SLC9A5: variants seen among roughly 807,000 people sequenced by gnomAD.
SLC9A5 encodes the protein sodium/hydrogen exchanger 5.
Under a neutral mutation model 91.7 loss-of-function variants are expected in SLC9A5, and 52 were observed. The observed-to-expected ratio is 0.57, with a 90% confidence interval of 0.45 to 0.71. The LOEUF (loss-of-function observed/expected upper bound fraction) is 0.71, where lower values mean the gene tolerates loss of function less well. Among genes scored for constraint, SLC9A5 ranks in the 30% least tolerant of loss-of-function variants. The pLI is 0.00. For synonymous variants in SLC9A5, 419 were observed against 474.5 expected (o/e 0.88, Z 1.52); for missense variants, 871 against 1,158.9 (o/e 0.75, Z 3.61).
intron 15 of SLC9A5, among the ~76,000 whole-genome samples, chr16:67,268,254 T>C (rs2142388870): frequency 6.6e-6 from 1 of 150,702 alleles, no homozygotes; most frequent in Non-Finnish European, 1.5e-5. Flanking sequence ...TGAGCTCAAG[T>C]GATCTTTACT....
Position 67,258,401 on chromosome 16 carries a change from T to C in SLC9A5, c.1580T>C (p.Val527Ala). The C allele has an allele frequency of 6.2e-7, 1 of 1,614,166 alleles. No homozygotes were observed. The highest frequency in any genetic ancestry group is 2.2e-5 in the East Asian group (1 of 44,886). The change falls in exon 10 of 16, where the codon GTG becomes GCG. Residue 527 changes from valine to alanine, a missense_variant. Val to Ala is a moderately conservative substitution (Grantham distance 64). This residue lies in a region of SLC9A5 where 454 missense variants were observed against 718.3 expected (regional missense o/e 0.63). Transcript: ENST00000299798. The surrounding 1 kb of genome is among the most constrained non-coding windows in gnomAD (Gnocchi z 4.5). Reference protein sequence around the residue: ...AYRIRDQIWDVYYRLNIRDAI... With the variant: ...AYRIRDQIWDAYYRLNIRDAI... ...CGCATCCGGGACCAGATCTGGGATG[T>C]GTACTACAGGCTTAACATCCGGGAT...
intron 12 of SLC9A5, 113 bp downstream of exon 12, chr16:67,260,059 T>A: frequency 7.0e-7 from 1 of 1,432,056 alleles, no homozygotes; most frequent in Non-Finnish European, 9.3e-7. Flanking sequence ...CTAAAGAGTG[T>A]GGGTTTCAGC....
At position 67,258,464 on chromosome 16, in the gene SLC9A5, C is replaced by T; in HGVS notation, c.1626+17C>T. ...GTGGACCAGGTGGGCCAGCAGCTTC[C>T]AGGTGGGCCAGTGGTGGGTGGGCAG... is the stretch of plus-strand genomic sequence containing the variant. On this transcript the variant is annotated intron_variant, in intron 10 of 15. Transcript: ENST00000299798. The surrounding 1 kb of genome is among the most constrained non-coding windows in gnomAD (Gnocchi z 4.5). 1.2e-6 allele frequency: 2 copies of T among 1,613,846 alleles called. No homozygotes were observed. The highest frequency in any genetic ancestry group is 2.2e-5 in the East Asian group (1 of 44,898).
intron 12 of SLC9A5, chr16:67,262,201 AT>A: frequency 2.2e-6 from 1 of 449,118 alleles, no homozygotes. Flanking sequence ...CCACATAAAC[AT>A]GTTGAACAGG....
intron 12 of SLC9A5, chr16:67,261,127 G>A (rs2035517387): frequency 6.6e-6 from 1 of 152,088 alleles, no homozygotes; most frequent in Non-Finnish European, 1.5e-5. Context: ...CGCCCAGAAT[G>A]GAAGTTGCTA....
Position 67,258,546 on chromosome 16 carries a change from G to A in SLC9A5, c.1626+99G>A. 5.6e-6 allele frequency: 8 copies of A among 1,426,558 alleles called. No homozygotes were observed. The highest frequency in any genetic ancestry group is 7.8e-6 in the Non-Finnish European group (8 of 1,020,394). 88.4% of individuals were successfully genotyped at this position (1,426,558 alleles called of 1,614,324 possible). A position where few individuals can be genotyped will look rare whatever the true frequency, so the allele number is the denominator to read the frequency against. ...CAAGCAGGCTGGCCCTGAGCAGGGA[G>A]TTGGGAATTCCTAGCTGGCTCCATG... On this transcript the variant is annotated intron_variant, in intron 10 of 15. Coordinates refer to ENST00000299798, the MANE Select transcript of SLC9A5 (RefSeq NM_004594.3). This position sits in a 1 kb window ranked among gnomAD's most constrained non-coding sequence, Gnocchi z 4.5.
Position 67,249,051 on chromosome 16 carries a change from C to A in SLC9A5, c.37C>A (p.Leu13Met). The A allele has an allele frequency of 6.6e-7, 1 of 1,506,522 alleles. No individual in the cohort carries two copies. 93.3% of individuals were successfully genotyped at this position (1,506,522 alleles called of 1,614,324 possible). The change falls in exon 1 of 16, where the codon CTG becomes ATG. Residue 13 changes from leucine (L) to methionine (M), a missense_variant. Leu to Met is a conservative substitution (Grantham distance 15). Coordinates refer to ENST00000299798, the MANE Select transcript of SLC9A5 (RefSeq NM_004594.3). ...RAALSLLALP[L>M]AGAAEEPTQK... is the part of the protein sequence containing the mutation. The stretch of plus-strand genomic sequence containing the variant: ...CGCCCTGTCCCTGCTCGCGCTGCCC[C>A]TGGCGGGGGCGGCCGAAGAGCCCAC...
Position 67,259,925 on chromosome 16 carries a change from C to T in SLC9A5, c.1821C>T (p.Gly607=), listed in dbSNP as rs1380624485. The T allele has an allele frequency of 1.2e-6, 2 of 1,613,918 alleles. No individual in the cohort carries two copies. Among genetic ancestry groups the T allele is most frequent in the East Asian group, 2.2e-5 (1 of 44,870 alleles). ...DAVMHHLLCG[G]LYKPRRRYKA... is the part of the protein sequence containing the mutation. ...TGATGCATCATCTGCTCTGCGGAGG[C>T]CTCTACAAGCCGCGCCGTAGGGTGA... Residue 607 remains glycine (G), a synonymous_variant, in exon 12 of 16, where the codon GGC becomes GGT. Coordinates refer to ENST00000299798, the MANE Select transcript of SLC9A5 (RefSeq NM_004594.3).
chr16:67,259,495 A>G, intron 10 of SLC9A5, 78 bp from the exon 11 acceptor site: 1 of 999,494 alleles, frequency 1.0e-6, no homozygotes, highest in Non-Finnish European at 1.6e-6. Flanking sequence ...GTTCGTTATT[A>G]TTATTTTCTT....
At chr16:67,259,476 A>T in intron 10 of SLC9A5, 97 bp from the exon 11 acceptor site, 1 of 850,414 alleles carries the variant, frequency 1.2e-6, no homozygotes, top group Admixed American at 2.0e-5. Context: ...TCAAAAGAGT[A>T]AACTAAGTGT....
At chr16:67,249,749 G>A (rs1054582777) in intron 1 of SLC9A5, among the ~76,000 whole-genome samples, 1 of 152,114 alleles carries the variant, frequency 6.6e-6, no homozygotes, top group African/African-American at 2.4e-5. Context: ...GCCTGTGTAT[G>A]GGTACCCCCC....
In SLC9A5 at chr16:67,271,005, T is replaced by G. The variant is rs1165714680; in HGVS notation, c.2486T>G (p.Leu829Arg). ...GGCACTGAAGAGCCCCAGGTCCCTC[T>G]CCACCTACCTTCTGATCCACGCTCT... The part of the protein sequence containing the change: ...PRGTEEPQVP[L>R]HLPSDPRSSF... The change falls in exon 16 of 16, where the codon CTC becomes CGC. Residue 829 changes from leucine to arginine, a missense_variant. This residue lies in a region of SLC9A5 where 295 missense variants were observed against 326.0 expected (regional missense o/e 0.90). Transcript: ENST00000299798. 1.9e-6 allele frequency: 3 copies of G among 1,613,738 alleles called. No individual in the cohort carries two copies. The highest frequency in any genetic ancestry group is 1.3e-5 in the African/African-American group (1 of 74,888).
rs539540164 is a variant in SLC9A5, at chr16:67,265,117, A to G, written c.2080+11A>G. The G allele has an allele frequency of 1.5e-5, 25 of 1,613,576 alleles. No homozygotes were observed. The African/African-American group carries it at 3.2e-4, about 21-fold the overall frequency. The stretch of plus-strand genomic sequence containing the variant: ...GCTTTCAGGACACAGGCAAGCAGGG[A>G]GCAGTGTGGGATTGAGGATGGGAGG... On this transcript the variant is annotated intron_variant, in intron 14 of 15. Coordinates refer to ENST00000299798, the MANE Select transcript of SLC9A5 (RefSeq NM_004594.3).
At position 67,259,930 on chromosome 16, in the gene SLC9A5, A is replaced by G. The variant is rs746056125; in HGVS notation, c.1826A>G (p.Tyr609Cys). ...CATCATCTGCTCTGCGGAGGCCTCT[A>G]CAAGCCGCGCCGTAGGGTGAGAGCA... ...VMHHLLCGGL[Y>C]KPRRRYKASC... The change falls in exon 12 of 16, where the codon TAC becomes TGC. Residue 609 changes from tyrosine (Y) to cysteine (C), a missense_variant. Transcript: ENST00000299798. The G allele has an allele frequency of 6.2e-7, 1 of 1,613,996 alleles. No homozygotes were observed. The highest frequency in any genetic ancestry group is 1.1e-5 in the South Asian group (1 of 91,072).
At chr16:67,251,988 T>C (rs1277948780) in intron 1 of SLC9A5, among the ~76,000 whole-genome samples, 3 of 152,014 alleles carry the variant, frequency 2.0e-5, no homozygotes, top group Non-Finnish European at 4.4e-5. Context: ...AGGATGAAAG[T>C]ATAAAGGAAG....
chr16:67,259,356 T>C (rs1198835609), intron 10 of SLC9A5, among the ~76,000 whole-genome samples: 1 of 125,664 alleles, frequency 8.0e-6, no homozygotes, highest in Non-Finnish European at 1.6e-5. Flanking sequence ...AGAGTGACTC[T>C]GTCTCAAAAA....
In SLC9A5 at chr16:67,257,451, C is replaced by T; in HGVS notation, c.1425+17C>T. The T allele has an allele frequency of 6.2e-7, 1 of 1,613,832 alleles. No individual in the cohort carries two copies. The highest frequency in any genetic ancestry group is 8.5e-7 in the Non-Finnish European group (1 of 1,179,680). On this transcript the variant is annotated intron_variant, in intron 8 of 15. Coordinates refer to ENST00000299798, the MANE Select transcript of SLC9A5 (RefSeq NM_004594.3). This position sits in a 1 kb window ranked among gnomAD's most constrained non-coding sequence, Gnocchi z 5.1. ...CATGAACACGTGGGTATCAGAACCC[C>T]AGCCCTCGCCTGTCCCTCTCGACCT...
At position 67,258,564 on chromosome 16, in the gene SLC9A5, G is replaced by C. The variant is rs1029886067; in HGVS notation, c.1626+117G>C. 4.0e-6 allele frequency: 5 copies of C among 1,238,422 alleles called. No individual in the cohort carries two copies. Among genetic ancestry groups the C allele is most frequent in the Non-Finnish European group, 5.8e-6 (5 of 860,746 alleles). 76.7% of individuals were successfully genotyped at this position (1,238,422 alleles called of 1,614,324 possible). On this transcript the variant is annotated intron_variant, in intron 10 of 15. Transcript: ENST00000299798. The surrounding 1 kb of genome is among the most constrained non-coding windows in gnomAD (Gnocchi z 4.5). ...GCAGGGAGTTGGGAATTCCTAGCTG[G>C]CTCCATGGTCTGGTGAAGTGGCAGC...
In SLC9A5 at chr16:67,268,658, TTATA is replaced by T. The variant is rs60054219; in HGVS notation, c.2219-2030_2219-2027del. On this transcript the variant is annotated intron_variant, in intron 15 of 15. Coordinates refer to ENST00000299798, the MANE Select transcript of SLC9A5 (RefSeq NM_004594.3). ...TCAAACATCGTTCAAATTTCCCTGA[TTATA>T]TATATATATATATATATATATATAT... Among the ~76,000 whole-genome samples the T allele has an allele frequency of 9.1e-3, 385 of 42,108 alleles. 3 individuals carry two copies. Among genetic ancestry groups the T allele is most frequent in the Non-Finnish European group, 0.011 (256 of 23,538 alleles). The allele number at this position is 42,108 out of a possible 152,430, so 27.6% of individuals were successfully genotyped here.
Sources: gnomAD v4.1 joint callset for allele counts (sites outside exome capture counted in the v4.1 genomes callset) on GRCh38, gnomAD v4.1.1 for gene constraint, gnomAD v4.1.1 regional missense constraint, Gnocchi (gnomAD v3.1) non-coding constraint, MANE v1.5 for transcripts, NCBI Gene and HGNC (gene_info 2026-07-23, HGNC 2026-07-21) for gene names.